USP12: variants seen among roughly 807,000 people sequenced by gnomAD.
The protein encoded by USP12 is ubiquitin carboxyl-terminal hydrolase 12.
Under a neutral mutation model 45.5 loss-of-function variants are expected in USP12, and 19 were observed. That is an observed-to-expected ratio of 0.42 (90% CI 0.29 to 0.61). The LOEUF is 0.61. Among genes scored for constraint, USP12 ranks in the 20% least tolerant of loss-of-function variants. The probability of loss-of-function intolerance (pLI) is 0.22; values close to 1 mark genes in which losing one functional copy is unlikely to be tolerated. For synonymous variants in USP12, 149 were observed against 148.8 expected (o/e 1.00, Z -0.01); for missense variants, 242 against 447.7 (o/e 0.54, Z 4.15).
At chr13:27,160,009 T>C (rs777795399) in intron 1 of USP12, among the ~76,000 whole-genome samples, 7 of 152,196 alleles carry the variant, frequency 4.6e-5, no homozygotes, top group South Asian at 4.1e-4. Context: ...AAGAGCGGAA[T>C]TGCGAACACT....
rs776407119 is a variant in USP12 at position 27,066,445 on chromosome 13, A to T, written c.*2838T>A. ...TCTTTAATAAAAAGTGTTTTTAAAG[A>T]AAGTATCAAGAGTAGTTATGTTATG... On this transcript the variant is annotated 3_prime_UTR_variant, in exon 9 of 9. Coordinates refer to ENST00000282344, the MANE Select transcript of USP12 (RefSeq NM_182488.4). 3 of 152,198 alleles carry T rather than the reference A, an allele frequency of 2.0e-5. No homozygotes were observed. Among genetic ancestry groups the T allele is most frequent in the Admixed American group, 1.3e-4 (2 of 15,272 alleles). 9.4% of individuals were successfully genotyped at this position (152,198 alleles called of 1,614,324 possible). A position where few individuals can be genotyped will look rare whatever the true frequency, so the allele number is the denominator to read the frequency against.
At chr13:27,143,040 C>T (rs935303544) in intron 1 of USP12, among the ~76,000 whole-genome samples, 1 of 151,252 alleles carries the variant, frequency 6.6e-6, no homozygotes, top group African/African-American at 2.4e-5. Flanking sequence ...TTGCAGTGAG[C>T]CAAGATCACG....
intron 3 of USP12, among the ~76,000 whole-genome samples, chr13:27,103,745 CAAAA>C (rs1225480806): frequency 1.7e-5 from 1 of 58,054 alleles, no homozygotes; most frequent in Non-Finnish European, 3.5e-5. Context: ...CCATCTCTAC[CAAAA>C]AAAAAAAAAA....
intron 4 of USP12, among the ~76,000 whole-genome samples, chr13:27,091,162 GA>G (rs144905332): frequency 0.053 from 8,126 of 152,064 alleles, 260 homozygotes; most frequent in Middle Eastern, 0.095. Context: ...AACTCAGAGA[GA>G]AAAAAAGAGG....
At chr13:27,162,471 C>T (rs1319499123) in intron 1 of USP12, among the ~76,000 whole-genome samples, 7 of 152,144 alleles carry the variant, frequency 4.6e-5, no homozygotes, top group Non-Finnish European at 8.8e-5. Flanking sequence ...CTTTAAGCTT[C>T]CTTTTCCATT....
At chr13:27,114,810 C>T (rs1338489923) in intron 2 of USP12, among the ~76,000 whole-genome samples, 1 of 151,248 alleles carries the variant, frequency 6.6e-6, no homozygotes, top group Non-Finnish European at 1.5e-5. Flanking sequence ...ATAGCAAGAT[C>T]CCATCTCTAC....
At chr13:27,120,371 G>A (rs1875927451) in intron 1 of USP12, among the ~76,000 whole-genome samples, 2 of 152,184 alleles carry the variant, frequency 1.3e-5, no homozygotes, top group South Asian at 4.1e-4. Flanking sequence ...TTCTGCTCCA[G>A]GCCAGGCACA....
chr13:27,071,823 TTTC>T (rs1220814078), intron 7 of USP12, among the ~76,000 whole-genome samples: 2 of 152,208 alleles, frequency 1.3e-5, no homozygotes, highest in Admixed American at 1.3e-4. Context: ...CATAATTCCT[TTTC>T]TTTATAAAAG....
At chr13:27,161,812 G>A (rs987796994) in intron 1 of USP12, among the ~76,000 whole-genome samples, 5 of 151,946 alleles carry the variant, frequency 3.3e-5, no homozygotes, top group Non-Finnish European at 5.9e-5. Context: ...AGCCCGGGGG[G>A]CAGAGGTTTC....
intron 6 of USP12, among the ~76,000 whole-genome samples, chr13:27,088,396 G>T (rs1176507273): frequency 8.1e-6 from 1 of 123,820 alleles, no homozygotes; most frequent in Non-Finnish European, 1.6e-5. Context: ...CAGCCTGGGC[G>T]ACAGAGCGAG....
chr13:27,119,045 A>G (rs758448388), intron 1 of USP12, among the ~76,000 whole-genome samples: 1 of 152,188 alleles, frequency 6.6e-6, no homozygotes, highest in Non-Finnish European at 1.5e-5. Context: ...TTATAGGGTG[A>G]CTATAACAGA....
At chr13:27,167,268 A>T (rs992641170) in intron 1 of USP12, among the ~76,000 whole-genome samples, 21 of 151,748 alleles carry the variant, frequency 1.4e-4, no homozygotes, top group African/African-American at 2.4e-4. Context: ...GTCTCAAAAA[A>T]AAAATAAAAT....
intron 3 of USP12, among the ~76,000 whole-genome samples, chr13:27,102,009 TTTAATGAATGAATGAA>T (rs1415121005): frequency 5.3e-5 from 4 of 75,846 alleles, no homozygotes; most frequent in African/African-American, 2.8e-4. Context: ...TTTCCCATTT[TTTAATGAATGAATGAA>T]TGAATGAATG....
chr13:27,083,869 TA>T (rs1420376636), intron 6 of USP12, among the ~76,000 whole-genome samples: 8 of 150,246 alleles, frequency 5.3e-5, no homozygotes, highest in African/African-American at 2.0e-4. Flanking sequence ...TATATATATA[TA>T]TATATTTTTT....
At chr13:27,105,690 C>T in intron 3 of USP12, 41 bp downstream of exon 3, 2 of 1,569,262 alleles carry the variant, frequency 1.3e-6, no homozygotes, top group Non-Finnish European at 1.7e-6. Context: ...CTATATTTAA[C>T]CTTCCTAGTA....
rs916308494 is a variant in USP12 at position 27,135,859 on chromosome 13, C to T, written c.49-19263G>A. On this transcript the variant is annotated intron_variant, in intron 1 of 8. Coordinates refer to ENST00000282344, the MANE Select transcript of USP12 (RefSeq NM_182488.4). ...GGGAGAAGGCAGCAAAGAAGGAAAA[C>T]ATGCTTTTCTTTACTTTCCAAGTTG... is the stretch of plus-strand genomic sequence containing the variant. Among the ~76,000 whole-genome samples the T allele has an allele frequency of 1.2e-4, 19 of 152,210 alleles. No individual in the cohort carries two copies. In the East Asian group the frequency reaches 3.7e-3, roughly 29 times the overall value.
chr13:27,093,136 C>T (rs146974671), intron 4 of USP12, among the ~76,000 whole-genome samples: 23 of 150,540 alleles, frequency 1.5e-4, no homozygotes, highest in African/African-American at 5.1e-4. Flanking sequence ...GCAGAGGTTG[C>T]GGTGAGCCAC....
At chr13:27,116,684 T>C in intron 1 of USP12, 88 bp from the exon 2 acceptor site, 1 of 1,247,062 alleles carries the variant, frequency 8.0e-7, no homozygotes, top group Admixed American at 2.0e-5. Flanking sequence ...CGCAACATGA[T>C]GGTCCTATCA....
At position 27,116,606 on chromosome 13, in the gene USP12, G is replaced by A. The variant is rs1470540792; in HGVS notation, c.49-10C>T. 6.2e-7 allele frequency: 1 copy of A among 1,607,266 alleles called. No individual in the cohort carries two copies. The highest frequency in any genetic ancestry group is 1.3e-5 in the African/African-American group (1 of 74,556). ...CCGAAGCATTGGCGCCCTATAAAAT[G>A]AAAAACAAAAATCTTAGTATTTATA... On this transcript the variant is annotated splice_polypyrimidine_tract_variant and intron_variant, in intron 1 of 8. Transcript: ENST00000282344.
Sources: allele counts gnomAD v4.1 joint callset (sites outside exome capture counted in the v4.1 genomes callset), GRCh38; gene constraint gnomAD v4.1.1; transcripts MANE v1.5; gene names NCBI Gene and HGNC (gene_info 2026-07-23, HGNC 2026-07-21).